TFDP1: variants seen among roughly 807,000 people sequenced by gnomAD.
TFDP1 encodes transcription factor Dp-1.
In TFDP1, 6 loss-of-function variants were observed where a neutral mutation model predicts 48.0. The observed-to-expected ratio is 0.13, with a 90% CI of 0.07 to 0.25. The LOEUF (loss-of-function observed/expected upper bound fraction) is 0.25, where lower values mean the gene tolerates loss of function less well. Ranked by LOEUF, TFDP1 falls within the 10% of genes least tolerant of loss-of-function variation. TFDP1 has a pLI of 1.00. For missense variants in TFDP1, 335 were observed against 543.0 expected (o/e 0.62, Z 3.81); for synonymous variants, 201 against 211.6 (o/e 0.95, Z 0.44).
rs1182802143 is a variant in TFDP1 at position 113,627,297 on chromosome 13, A to G, written c.186+4011A>G. Reference sequence around the variant, plus strand: ...GCTTGTGAAGCCTGTGGTGCTGCAGAGCTCAGCACGCGCACAGGAACGTGT... The same window carrying G: ...GCTTGTGAAGCCTGTGGTGCTGCAGGGCTCAGCACGCGCACAGGAACGTGT... On this transcript the variant is annotated intron_variant, in intron 4 of 11. Transcript: ENST00000375370. This position sits in a 1 kb window ranked among gnomAD's most constrained non-coding sequence, Gnocchi z 4.1. Among the ~76,000 whole-genome samples, 1 of 152,126 alleles carries G rather than the reference A, an allele frequency of 6.6e-6. No homozygotes were observed. The highest frequency in any genetic ancestry group is 2.4e-5 in the African/African-American group (1 of 41,404).
At chr13:113,624,014 G>A (rs2049058427) in intron 4 of TFDP1, among the ~76,000 whole-genome samples, 1 of 152,178 alleles carries the variant, frequency 6.6e-6, no homozygotes, top group Admixed American at 6.5e-5. Context: ...GAGGGACATA[G>A]CCATCCCAAG....
At position 113,623,959 on chromosome 13, in the gene TFDP1, C is replaced by T. The variant is rs1376873806; in HGVS notation, c.186+673C>T. Among the ~76,000 whole-genome samples, 1 of 152,180 alleles carries T rather than the reference C, an allele frequency of 6.6e-6. No homozygotes were observed. The highest frequency in any genetic ancestry group is 6.5e-5 in the Admixed American group (1 of 15,284). On this transcript the variant is annotated intron_variant, in intron 4 of 11. Coordinates refer to ENST00000375370, the MANE Select transcript of TFDP1 (RefSeq NM_007111.5). This position sits in a 1 kb window ranked among gnomAD's most constrained non-coding sequence, Gnocchi z 5.2. The stretch of plus-strand genomic sequence containing the variant: ...TCCTGACCTCACCAGAAATGGGGCC[C>T]CAGGCACTTGGTGGGCAGGTTTGGC...
chr13:113,589,798 T>A (rs1355162939), intron 2 of TFDP1, among the ~76,000 whole-genome samples: 1 of 151,984 alleles, frequency 6.6e-6, no homozygotes, highest in Non-Finnish European at 1.5e-5. Context: ...GGCCCTTGGG[T>A]GAGGGAGTGT....
At position 113,633,976 on chromosome 13, in the gene TFDP1, G is replaced by A; in HGVS notation, c.561G>A (p.Lys187=). 3.7e-6 allele frequency: 6 copies of A among 1,614,220 alleles called. No individual in the cohort carries two copies. Among genetic ancestry groups the A allele is most frequent in the Non-Finnish European group, 5.1e-6 (6 of 1,180,044 alleles). ...TGAACATCATCTCCAAGGAGAAGAA[G>A]GAGATCAAGTGGATTGGTCTGCCCA... ...MAMNIISKEK[K]EIKWIGLPTN... is the part of the protein sequence containing the mutation. The change falls in exon 7 of 12, where the codon AAG becomes AAA. Residue 187 remains lysine (K), a synonymous_variant. Transcript: ENST00000375370. This position sits in a 1 kb window ranked among gnomAD's most constrained non-coding sequence, Gnocchi z 4.5.
chr13:113,629,922 C>T (rs2049288660), intron 4 of TFDP1, among the ~76,000 whole-genome samples: 1 of 152,178 alleles, frequency 6.6e-6, no homozygotes. Flanking sequence ...GGGTTAGAAT[C>T]GTGTGTGGGA....
In TFDP1 at chr13:113,623,652, G is replaced by A. The variant is rs1169035250; in HGVS notation, c.186+366G>A. On this transcript the variant is annotated intron_variant, in intron 4 of 11. Transcript: ENST00000375370. The surrounding 1 kb of genome is among the most constrained non-coding windows in gnomAD (Gnocchi z 5.2). ...GGCTTCTTACGTGATGTGGCCGAGC[G>A]TTGGCTGTGGCCCTCCTGGAGACAT... Among the ~76,000 whole-genome samples, 3 of 152,216 alleles carry A rather than the reference G, an allele frequency of 2.0e-5. No homozygotes were observed. The highest frequency in any genetic ancestry group is 1.9e-4 in the East Asian group (1 of 5,192).
intron 2 of TFDP1, among the ~76,000 whole-genome samples, chr13:113,599,169 GT>G (rs531756535): frequency 7.5e-5 from 11 of 147,024 alleles, no homozygotes; most frequent in East Asian, 2.0e-4. Flanking sequence ...TTTGTCCTAG[GT>G]TTTTTTTTTT....
chr13:113,634,133 G>GCT, intron 7 of TFDP1, 100 bp downstream of exon 7: 1 of 1,530,148 alleles, frequency 6.5e-7, no homozygotes, highest in Non-Finnish European at 9.0e-7. Flanking sequence ...GTGCCCTTAT[G>GCT]CTCTCTGTGT....
At chr13:113,608,614 T>C (rs911829356) in intron 2 of TFDP1, among the ~76,000 whole-genome samples, 2 of 152,326 alleles carry the variant, frequency 1.3e-5, no homozygotes, top group African/African-American at 4.8e-5. Context: ...CACCACGCCT[T>C]AACCTCCTGG....
At chr13:113,599,088 C>G (rs1429980669) in intron 2 of TFDP1, among the ~76,000 whole-genome samples, 1 of 152,020 alleles carries the variant, frequency 6.6e-6, no homozygotes, top group Non-Finnish European at 1.5e-5. Flanking sequence ...TGTTTAAATA[C>G]ACATGTACAG....
chr13:113,611,168 C>A, intron 3 of TFDP1, 106 bp downstream of exon 3: 1 of 1,136,908 alleles, frequency 8.8e-7, no homozygotes, highest in Non-Finnish European at 1.3e-6. Context: ...ATGGCATCTC[C>A]TGCATGGGCA....
intron 2 of TFDP1, among the ~76,000 whole-genome samples, chr13:113,597,300 T>C (rs896042567): frequency 1.3e-5 from 2 of 152,224 alleles, no homozygotes; most frequent in African/African-American, 4.8e-5. Context: ...AATAGATGAA[T>C]GGAGATGGTC....
intron 2 of TFDP1, among the ~76,000 whole-genome samples, chr13:113,600,726 C>T (rs2048401269): frequency 6.8e-6 from 1 of 147,562 alleles, no homozygotes. Context: ...GCTCCAGGAC[C>T]ATGAGAGAGA....
chr13:113,634,387 CCTG>C (rs2049417505), intron 7 of TFDP1, 144 bp from the exon 8 acceptor site: 2 of 705,308 alleles, frequency 2.8e-6, no homozygotes, highest in Non-Finnish European at 2.5e-6. Flanking sequence ...TCTTGTAGCA[CCTG>C]CTATGTCTAG....
In TFDP1 at chr13:113,604,276, TC is replaced by T. The variant is rs377277951; in HGVS notation, c.13-6718del. On this transcript the variant is annotated intron_variant, in intron 2 of 11. Coordinates refer to ENST00000375370, the MANE Select transcript of TFDP1 (RefSeq NM_007111.5). Reference sequence around the variant, plus strand: ...CAAGGAGGACCCACATGAGGGTCTTTCCTACAGCTCCTTACATGCTCAAGCT... The same window carrying T: ...CAAGGAGGACCCACATGAGGGTCTTTCTACAGCTCCTTACATGCTCAAGCT... 2.7e-4 allele frequency among the ~76,000 whole-genome samples: 41 copies of T among 152,306 alleles called. No homozygotes were observed. In the East Asian group the frequency reaches 7.7e-3, roughly 29 times the overall value.
intron 4 of TFDP1, among the ~76,000 whole-genome samples, chr13:113,628,177 G>T (rs1022280175): frequency 2.0e-5 from 3 of 151,974 alleles, no homozygotes; most frequent in African/African-American, 7.3e-5. Flanking sequence ...GTCTGAAGCC[G>T]TGTAAAGACT....
At chr13:113,606,875 A>G (rs1375829870) in intron 2 of TFDP1, among the ~76,000 whole-genome samples, 2 of 152,158 alleles carry the variant, frequency 1.3e-5, no homozygotes, top group Non-Finnish European at 2.9e-5. Flanking sequence ...ACAGGCAGCC[A>G]AGGAACCCAC....
rs754743456 is a variant in TFDP1 at position 113,633,332 on chromosome 13, G to A, written c.474+47G>A. 1.3e-5 allele frequency: 18 copies of A among 1,438,340 alleles called. No homozygotes were observed. Among genetic ancestry groups the A allele is most frequent in the African/African-American group, 2.8e-5 (2 of 70,458 alleles). 89.1% of individuals were successfully genotyped at this position (1,438,340 alleles called of 1,614,324 possible). A position where few individuals can be genotyped will look rare whatever the true frequency, so the allele number is the denominator to read the frequency against. On this transcript the variant is annotated intron_variant, in intron 6 of 11. Coordinates refer to ENST00000375370, the MANE Select transcript of TFDP1 (RefSeq NM_007111.5). The surrounding 1 kb of genome is among the most constrained non-coding windows in gnomAD (Gnocchi z 4.5). ...AGAGGCTGGGGTGGCGGAGCCCAGC[G>A]GTGTGGTACGTTTCGCTCTTTTAAT...
intron 4 of TFDP1, among the ~76,000 whole-genome samples, chr13:113,625,275 T>C (rs1594505989): frequency 5.6e-5 from 7 of 124,278 alleles, no homozygotes; most frequent in African/African-American, 1.1e-4. Context: ...TGTCCTCAGG[T>C]GTCTCTCACG....
Sources: allele counts gnomAD v4.1 joint callset (sites outside exome capture counted in the v4.1 genomes callset), GRCh38; gene constraint gnomAD v4.1.1; non-coding constraint Gnocchi (gnomAD v3.1); transcripts MANE v1.5; gene names NCBI Gene and HGNC (gene_info 2026-07-23, HGNC 2026-07-21).